Variants in CFAP61 observed in about 807,000 individuals in gnomAD.
CFAP61 encodes the protein cilia- and flagella-associated protein 61.
A neutral mutation model predicts 135.6 loss-of-function variants in CFAP61; 107 were observed. The observed-to-expected ratio is 0.79, with a 90% CI of 0.67 to 0.93. CFAP61 has a LOEUF of 0.93. Ranked by LOEUF, CFAP61 falls within the 40% of genes least tolerant of loss-of-function variation. The probability of loss-of-function intolerance (pLI) is 0.00; values close to 1 mark genes in which losing one functional copy is unlikely to be tolerated. For missense variants in CFAP61, 1,507 were observed against 1,556.2 expected, an observed-to-expected ratio of 0.97 and a Z score of 0.53; for synonymous variants, 575 against 578.5, an observed-to-expected ratio of 0.99 and a Z score of 0.09.
intron 6 of CFAP61, among the ~76,000 whole-genome samples, chr20:20,079,509 G>C (rs552120233): frequency 6.6e-6 from 1 of 152,114 alleles, no homozygotes; most frequent in Non-Finnish European, 1.5e-5. Flanking sequence ...CAGAGAGAGG[G>C]AGGCCAGAAA....
intron 8 of CFAP61, among the ~76,000 whole-genome samples, chr20:20,107,200 A>G (rs1240615539): frequency 1.3e-5 from 2 of 152,228 alleles, no homozygotes; most frequent in African/African-American, 4.8e-5. Context: ...GCGGCTAAGG[A>G]AGCAATTACT....
At chr20:20,156,657 C>G (rs759663937) in intron 9 of CFAP61, among the ~76,000 whole-genome samples, 1 of 152,006 alleles carries the variant, frequency 6.6e-6, no homozygotes, top group African/African-American at 2.4e-5. Flanking sequence ...TACAAAACAG[C>G]TACTATAACT....
At chr20:20,184,155 G>A (rs186791254) in intron 13 of CFAP61, among the ~76,000 whole-genome samples, 48 of 152,288 alleles carry the variant, frequency 3.2e-4, no homozygotes, top group Non-Finnish European at 6.2e-4. Flanking sequence ...GCCTTGCTGG[G>A]GGAAGATGTC....
intron 18 of CFAP61, among the ~76,000 whole-genome samples, chr20:20,237,879 G>T (rs1488789361): frequency 2.6e-5 from 4 of 152,050 alleles, no homozygotes; most frequent in Non-Finnish European, 5.9e-5. Context: ...TTCTTGTTAG[G>T]TTCTTGCATG....
chr20:20,152,524 A>T (rs1449410442), intron 9 of CFAP61, among the ~76,000 whole-genome samples: 4 of 152,214 alleles, frequency 2.6e-5, no homozygotes, highest in Non-Finnish European at 5.9e-5. Context: ...CAATGGGTGG[A>T]AAAAGTTATT....
intron 25 of CFAP61, among the ~76,000 whole-genome samples, chr20:20,302,828 T>G (rs560638107): frequency 2.6e-5 from 4 of 152,232 alleles, no homozygotes; most frequent in Non-Finnish European, 5.9e-5. Context: ...ATTACTGGTT[T>G]TCTAAGCATT....
At chr20:20,100,300 G>A (rs2047930627) in intron 8 of CFAP61, among the ~76,000 whole-genome samples, 1 of 151,974 alleles carries the variant, frequency 6.6e-6, no homozygotes, top group Non-Finnish European at 1.5e-5. Flanking sequence ...AGCCTCTGGA[G>A]TAGCTGGGAT....
At chr20:20,198,748 G>A (rs1471172236) in intron 16 of CFAP61, among the ~76,000 whole-genome samples, 1 of 152,188 alleles carries the variant, frequency 6.6e-6, no homozygotes, top group Non-Finnish European at 1.5e-5. Flanking sequence ...CGAAGTCACG[G>A]TCTGAAGTCC....
At chr20:20,191,277 C>A in intron 14 of CFAP61, 65 bp from the exon 15 acceptor site, 1 of 1,364,126 alleles carries the variant, frequency 7.3e-7, no homozygotes, top group Non-Finnish European at 1.0e-6. Flanking sequence ...CCCACTGTTG[C>A]CTGCTTACAA....
At position 20,288,589 on chromosome 20, in the gene CFAP61, T is replaced by G; in HGVS notation, c.2797-20T>G. ...ATGAAGAGTGATAACTGAATATTGC[T>G]GTAATTGTTCACTTCGTAGATGTTC... On this transcript the variant is annotated intron_variant, in intron 22 of 26. Coordinates refer to ENST00000245957, the MANE Select transcript of CFAP61 (RefSeq NM_015585.4). 6.3e-7 allele frequency: 1 copy of G among 1,584,848 alleles called. No individual in the cohort carries two copies. Among genetic ancestry groups the G allele is most frequent in the Non-Finnish European group, 8.7e-7 (1 of 1,154,602 alleles).
In CFAP61 at chr20:20,291,915, A is replaced by G. The variant is rs530906483; in HGVS notation, c.3216+1524A>G. On this transcript the variant is annotated intron_variant, in intron 24 of 26. Transcript: ENST00000245957. ...AGCTGTCTACTTAACTTCCATTCCC[A>G]TTTTCTTCTCTTGAATATTTTTGAG... 6.6e-5 allele frequency among the ~76,000 whole-genome samples: 10 copies of G among 152,246 alleles called. No individual in the cohort carries two copies. The East Asian group carries it at 1.5e-3, about 23-fold the overall frequency.
At chr20:20,090,795 GA>G (rs762463963) in intron 6 of CFAP61, 48 bp from the exon 7 acceptor site, 2 of 1,602,026 alleles carry the variant, frequency 1.2e-6, no homozygotes, top group Admixed American at 1.7e-5. Flanking sequence ...CCTGTTGAAG[GA>G]AAAAAATGAG....
At chr20:20,066,463 G>C (rs2146554851) in intron 2 of CFAP61, among the ~76,000 whole-genome samples, 1 of 152,272 alleles carries the variant, frequency 6.6e-6, no homozygotes, top group African/African-American at 2.4e-5. Context: ...TAAAGAAAAT[G>C]TGGCACATAT....
At chr20:20,062,719 C>G (rs547916985) in intron 2 of CFAP61, among the ~76,000 whole-genome samples, 1 of 152,272 alleles carries the variant, frequency 6.6e-6, no homozygotes, top group Non-Finnish European at 1.5e-5. Context: ...GATCCACAAT[C>G]CTTTAACTAA....
At chr20:20,239,249 T>C (rs1018476658) in intron 18 of CFAP61, among the ~76,000 whole-genome samples, 1 of 152,222 alleles carries the variant, frequency 6.6e-6, no homozygotes, top group Non-Finnish European at 1.5e-5. Context: ...TCTTACATAG[T>C]TATAGATTTA....
At chr20:20,178,568 G>T (rs1240113247) in intron 13 of CFAP61, among the ~76,000 whole-genome samples, 2 of 152,178 alleles carry the variant, frequency 1.3e-5, no homozygotes, top group Admixed American at 1.3e-4. Flanking sequence ...TATTTATTGT[G>T]CTAGGAATTA....
intron 24 of CFAP61, among the ~76,000 whole-genome samples, chr20:20,290,810 C>T (rs1244060127): frequency 6.6e-6 from 1 of 152,180 alleles, no homozygotes; most frequent in East Asian, 1.9e-4. Context: ...GAGTGTGCCA[C>T]CTTGAAGTGG....
At chr20:20,132,993 T>C (rs1809811298) in intron 8 of CFAP61, among the ~76,000 whole-genome samples, 1 of 152,208 alleles carries the variant, frequency 6.6e-6, no homozygotes, top group Admixed American at 6.6e-5. Context: ...TTACATTTAA[T>C]GTTCTTATGG....
At chr20:20,249,053 G>A (rs1327863237) in intron 19 of CFAP61, among the ~76,000 whole-genome samples, 2 of 152,134 alleles carry the variant, frequency 1.3e-5, no homozygotes, top group Admixed American at 1.3e-4. Flanking sequence ...CCTAGTGGAG[G>A]TATTTCTCTC....
Sources: allele counts gnomAD v4.1 joint callset (sites outside exome capture counted in the v4.1 genomes callset), GRCh38; gene constraint gnomAD v4.1.1; transcripts MANE v1.5; gene names NCBI Gene and HGNC (gene_info 2026-07-23, HGNC 2026-07-21).